Variants in NAV3 observed in about 807,000 individuals in gnomAD.
The protein encoded by NAV3 is neuron navigator 3.
NAV3 carries 87 observed loss-of-function variants against 244.7 expected under a neutral mutation model. The ratio of observed to expected loss-of-function variants is 0.36; its 90% CI spans 0.30 to 0.42. NAV3 has a LOEUF of 0.42. Ranked by LOEUF, NAV3 falls within the 20% of genes least tolerant of loss-of-function variation. The pLI is 1.00. For missense variants in NAV3, 2,663 were observed against 2,893.3 expected (o/e 0.92, Z 1.83); for synonymous variants, 1,126 against 1,042.2 (o/e 1.08, Z -1.55).
At chr12:78,064,430 C>CTGT (rs1566082262) in intron 12 of NAV3, among the ~76,000 whole-genome samples, 1,506 of 93,254 alleles carry the variant, frequency 0.016, 12 homozygotes, top group Middle Eastern at 0.047. Flanking sequence ...TGTCTGTCTG[C>CTGT]CTGCCTGCCT....
At chr12:77,997,760 A>C (rs994131767) in intron 6 of NAV3, among the ~76,000 whole-genome samples, 7 of 152,238 alleles carry the variant, frequency 4.6e-5, no homozygotes. Context: ...AGACCAGTGA[A>C]ATATAATTTA....
At chr12:77,811,316 C>A (rs1408170140) in intron 2 of NAV3, among the ~76,000 whole-genome samples, 1 of 152,082 alleles carries the variant, frequency 6.6e-6, no homozygotes, top group Non-Finnish European at 1.5e-5. Flanking sequence ...AAAGCCCCTG[C>A]CCTCCAGAAC....
intron 25 of NAV3, among the ~76,000 whole-genome samples, chr12:78,176,192 A>G (rs568995718): frequency 1.2e-4 from 19 of 152,150 alleles, no homozygotes; most frequent in Admixed American, 1.0e-3. Context: ...GTTACTGCGA[A>G]AAATTTAAAA....
At chr12:77,723,634 T>C (rs1195973306) in intron 2 of NAV3, among the ~76,000 whole-genome samples, 1 of 151,942 alleles carries the variant, frequency 6.6e-6, no homozygotes, top group African/African-American at 2.4e-5. Context: ...GAGCCAACCT[T>C]GTTTGCTTAC....
chr12:78,161,017 T>C (rs1307727602), intron 23 of NAV3, among the ~76,000 whole-genome samples: 2 of 151,998 alleles, frequency 1.3e-5, no homozygotes, highest in Non-Finnish European at 2.9e-5. Context: ...CTATGTAATA[T>C]AAGAACCCAG....
In NAV3 at chr12:78,008,512, C is replaced by A. The variant is rs188379675; in HGVS notation, c.1907+1067C>A. ...TTTGTCCCTCTTTCGGGCAGGTTGG[C>A]AATTTAACTACAGAAAGAAAATTTT... On this transcript the variant is annotated intron_variant, in intron 8 of 39. Coordinates refer to ENST00000397909, the MANE Select transcript of NAV3 (RefSeq NM_001024383.2). Among the ~76,000 whole-genome samples, 3 of 151,968 alleles carry A rather than the reference C, an allele frequency of 2.0e-5. No individual in the cohort carries two copies. The East Asian group carries it at 5.8e-4, about 29-fold the overall frequency.
chr12:77,672,822 T>TA (rs150581443), intron 2 of NAV3, among the ~76,000 whole-genome samples: 46 of 151,594 alleles, frequency 3.0e-4, no homozygotes, highest in African/African-American at 9.9e-4. Context: ...AAAAAGAAAT[T>TA]AAAAAAAATA....
intron 9 of NAV3, among the ~76,000 whole-genome samples, chr12:78,023,269 T>A (rs973475261): frequency 3.9e-5 from 6 of 152,202 alleles, no homozygotes; most frequent in Non-Finnish European, 5.9e-5. Context: ...TATCACGGTA[T>A]ATCTGATTGA....
chr12:77,576,973 T>C (rs1869117117), intron 2 of NAV3, among the ~76,000 whole-genome samples: 1 of 152,140 alleles, frequency 6.6e-6, no homozygotes, highest in South Asian at 2.1e-4. Context: ...GAAGCACGGC[T>C]CTAGTAAGAA....
rs1884073454 is a variant in NAV3, at chr12:78,059,890, G to A, written c.2636+775G>A. Among the ~76,000 whole-genome samples the A allele has an allele frequency of 5.3e-5, 8 of 151,816 alleles. No homozygotes were observed. In the South Asian group the frequency reaches 1.7e-3, roughly 32 times the overall value. ...AATAAGCTTGATGCTTTCCTTGAAG[G>A]TGTTGTAAACATAGAAAAACTCTTA... On this transcript the variant is annotated intron_variant, in intron 12 of 39. Transcript: ENST00000397909.
intron 2 of NAV3, among the ~76,000 whole-genome samples, chr12:77,806,842 G>T (rs1872006658): frequency 6.6e-6 from 1 of 152,140 alleles, no homozygotes. Flanking sequence ...TTATGAATCT[G>T]GGTGCTCCTG....
At chr12:77,600,486 A>T (rs1870375643) in intron 2 of NAV3, among the ~76,000 whole-genome samples, 1 of 152,082 alleles carries the variant, frequency 6.6e-6, no homozygotes, top group South Asian at 2.1e-4. Flanking sequence ...AGTAGGTAAG[A>T]TAATTGCATA....
chr12:78,164,360 C>T (rs1232996540), intron 23 of NAV3, among the ~76,000 whole-genome samples: 1 of 151,926 alleles, frequency 6.6e-6, no homozygotes, highest in Non-Finnish European at 1.5e-5. Context: ...TCATTTGTTA[C>T]CTCTCTGAAA....
intron 1 of NAV3, among the ~76,000 whole-genome samples, chr12:77,841,179 T>A (rs1277914131): frequency 3.3e-5 from 5 of 152,178 alleles, no homozygotes; most frequent in Non-Finnish European, 5.9e-5. Context: ...GTGTTGCAAT[T>A]CTGCCTGGAA....
At chr12:77,707,570 T>C (rs1191130440) in intron 2 of NAV3, among the ~76,000 whole-genome samples, 3 of 152,224 alleles carry the variant, frequency 2.0e-5, no homozygotes, top group Non-Finnish European at 4.4e-5. Flanking sequence ...CCTTTGGGTA[T>C]ATGCCCAGTA....
chr12:77,886,558 C>A (rs1424808833), intron 1 of NAV3, among the ~76,000 whole-genome samples: 1 of 152,080 alleles, frequency 6.6e-6, no homozygotes, highest in Non-Finnish European at 1.5e-5. Context: ...GTTGTTTCCA[C>A]CCCTGGACAA....
chr12:78,149,133 G>A (rs554920697), intron 22 of NAV3, among the ~76,000 whole-genome samples: 1 of 152,034 alleles, frequency 6.6e-6, no homozygotes, highest in South Asian at 2.1e-4. Context: ...ATGGCTTGTT[G>A]TTTCTAATAA....
chr12:77,594,415 A>G (rs760894385), intron 2 of NAV3, among the ~76,000 whole-genome samples: 2 of 152,156 alleles, frequency 1.3e-5, no homozygotes, highest in Non-Finnish European at 1.5e-5. Flanking sequence ...ATCCTTGTGT[A>G]TAATAATGGT....
chr12:77,898,074 C>T (rs1322942351), intron 1 of NAV3, among the ~76,000 whole-genome samples: 1 of 152,050 alleles, frequency 6.6e-6, no homozygotes, highest in Admixed American at 6.6e-5. Context: ...TATTTTTATT[C>T]ACATTTTATA....
Sources: allele counts gnomAD v4.1 joint callset (sites outside exome capture counted in the v4.1 genomes callset), GRCh38; gene constraint gnomAD v4.1.1; transcripts MANE v1.5; gene names NCBI Gene and HGNC (gene_info 2026-07-23, HGNC 2026-07-21).